SORCS2: variants seen among roughly 807,000 people sequenced by gnomAD.
SORCS2 encodes the protein VPS10 domain-containing receptor SorCS2.
A neutral mutation model predicts 141.6 loss-of-function variants in SORCS2; 100 were observed. That is an observed-to-expected ratio of 0.71 (90% CI 0.60 to 0.83). The LOEUF (loss-of-function observed/expected upper bound fraction) is 0.83, where lower values mean the gene tolerates loss of function less well. Among genes scored for constraint, SORCS2 ranks in the 40% least tolerant of loss-of-function variants. The pLI is 0.00. For missense variants in SORCS2, 1,646 were observed against 1,560.2 expected (o/e 1.05, Z -0.93); for synonymous variants, 789 against 676.9 (o/e 1.17, Z -2.57).
At chr4:7,434,993 C>G (rs1316485772) in intron 2 of SORCS2, 1 of 1,298,482 alleles carries the variant, frequency 7.7e-7, no homozygotes, top group African/African-American at 1.5e-5. Context: ...CTCCTGGCCA[C>G]TCCCACAGCC....
chr4:7,384,287 G>A (rs986855428), intron 1 of SORCS2, among the ~76,000 whole-genome samples: 4 of 152,218 alleles, frequency 2.6e-5, no homozygotes, highest in Non-Finnish European at 4.4e-5. Flanking sequence ...GACAAGGCCT[G>A]TGGGGGGACT....
At chr4:7,362,638 G>C (rs148924276) in intron 1 of SORCS2, among the ~76,000 whole-genome samples, 2 of 152,022 alleles carry the variant, frequency 1.3e-5, no homozygotes, top group African/African-American at 4.8e-5. Flanking sequence ...GACCAGGGAG[G>C]CTGACTTTGC....
intron 2 of SORCS2, among the ~76,000 whole-genome samples, chr4:7,484,052 C>T (rs1222523789): frequency 6.6e-6 from 1 of 152,202 alleles, no homozygotes; most frequent in East Asian, 1.9e-4. Context: ...TTTCTTCGAG[C>T]ATTTAAGTGT....
chr4:7,287,018 G>A (rs1380704676), intron 1 of SORCS2, among the ~76,000 whole-genome samples: 3 of 152,184 alleles, frequency 2.0e-5, no homozygotes, highest in Non-Finnish European at 4.4e-5. Flanking sequence ...CCTCCTCCAG[G>A]AAGCCTTCCT....
At chr4:7,257,816 C>A (rs1452800358) in intron 1 of SORCS2, among the ~76,000 whole-genome samples, 1 of 152,226 alleles carries the variant, frequency 6.6e-6, no homozygotes, top group Non-Finnish European at 1.5e-5. Context: ...GCTTACCTGG[C>A]CTCCCTGGCC....
At chr4:7,347,345 G>C (rs146876437) in intron 1 of SORCS2, among the ~76,000 whole-genome samples, 4 of 152,202 alleles carry the variant, frequency 2.6e-5, no homozygotes, top group Admixed American at 1.3e-4. Context: ...ATCCATTTAC[G>C]ATAGAATTCC....
chr4:7,660,245 G>A (rs1026904499), intron 5 of SORCS2, among the ~76,000 whole-genome samples: 1 of 152,304 alleles, frequency 6.6e-6, no homozygotes, highest in Non-Finnish European at 1.5e-5. Context: ...GCAATGAAAC[G>A]GGGAGGGGAG....
rs183700489 is a variant in SORCS2, at chr4:7,567,481, T to G, written c.648+35852T>G. ...TCCTCTGTTGGAATTTGTATAGTGT[T>G]TTCCTCATGATTGCACTGGGATTAT... On this transcript the variant is annotated intron_variant, in intron 3 of 26. Coordinates refer to ENST00000507866, the MANE Select transcript of SORCS2 (RefSeq NM_020777.3). Among the ~76,000 whole-genome samples, 83 of 151,572 alleles carry G rather than the reference T, an allele frequency of 5.5e-4. 1 individual carries two copies. Among genetic ancestry groups the G allele is most frequent in the African/African-American group, 2.0e-3 (82 of 41,172 alleles).
chr4:7,324,502 C>T (rs144200426), intron 1 of SORCS2, among the ~76,000 whole-genome samples: 38 of 152,324 alleles, frequency 2.5e-4, no homozygotes, highest in South Asian at 2.3e-3. Context: ...GGGAACTGCG[C>T]GGGGTTAGTC....
chr4:7,718,200 C>A lies in SORCS2; in HGVS notation c.2424+17C>A. The stretch of plus-strand genomic sequence containing the variant: ...CAGGAGCAGGTGAGTGAGCACCTCC[C>A]AGCAGGCTCCTGGGACTGTCGGGCA... On this transcript the variant is annotated intron_variant, in intron 18 of 26. Coordinates refer to ENST00000507866, the MANE Select transcript of SORCS2 (RefSeq NM_020777.3). 1 of 1,604,884 alleles carries A rather than the reference C, an allele frequency of 6.2e-7. No homozygotes were observed.
At chr4:7,394,885 C>CA (rs1286893798) in intron 1 of SORCS2, among the ~76,000 whole-genome samples, 1 of 152,166 alleles carries the variant, frequency 6.6e-6, no homozygotes, top group Non-Finnish European at 1.5e-5. Flanking sequence ...GGGGCCGGAT[C>CA]AAACAGACTT....
At chr4:7,634,648 G>A (rs1009062579) in intron 3 of SORCS2, among the ~76,000 whole-genome samples, 1 of 152,120 alleles carries the variant, frequency 6.6e-6, no homozygotes, top group African/African-American at 2.4e-5. Context: ...TTCCATCTTC[G>A]AGGAGGGGGG....
Position 7,394,731 on chromosome 4 carries a change from C to G in SORCS2, c.481-1557C>G, listed in dbSNP as rs539590717. On this transcript the variant is annotated intron_variant, in intron 1 of 26. Transcript: ENST00000507866. Reference sequence around the variant, plus strand: ...TGACGGGGATGTGAAGCCAGCCTCACAGCAGGGTGCGCCCCAAACCCAGCA... The same window carrying G: ...TGACGGGGATGTGAAGCCAGCCTCAGAGCAGGGTGCGCCCCAAACCCAGCA... Among the ~76,000 whole-genome samples the G allele has an allele frequency of 2.9e-4, 44 of 152,204 alleles. 1 individual carries two copies. In the Middle Eastern group the frequency reaches 0.014, roughly 47 times the overall value.
At chr4:7,543,703 T>C (rs911295030) in intron 3 of SORCS2, among the ~76,000 whole-genome samples, 52 of 18,802 alleles carry the variant, frequency 2.8e-3, no homozygotes, top group East Asian at 7.1e-3. Context: ...CACCCATCCA[T>C]CCATCCACCC....
rs1726903579 is a variant in SORCS2, at chr4:7,192,569, GCGC to G, written c.-76_-74del. 1.0e-6 allele frequency: 1 copy of G among 981,806 alleles called. No homozygotes were observed. The highest frequency in any genetic ancestry group is 1.2e-6 in the Non-Finnish European group (1 of 827,082). 60.8% of individuals were successfully genotyped at this position (981,806 alleles called of 1,614,324 possible). ...TCTGCGCTCTCGCTCGCGCTCCCCA[GCGC>G]CCTCCTGCTCTCCCGGCCGCGGTCC... On this transcript the variant is annotated 5_prime_UTR_variant, in exon 1 of 27. Transcript: ENST00000507866. This position sits in a 1 kb window ranked among gnomAD's most constrained non-coding sequence, Gnocchi z 4.0.
chr4:7,697,037 A>C (rs1217162943), intron 11 of SORCS2, among the ~76,000 whole-genome samples, 161 bp from the exon 12 acceptor site: 2 of 152,214 alleles, frequency 1.3e-5, no homozygotes, highest in East Asian at 3.9e-4. Context: ...GCATAGACCC[A>C]GACCCAGGGC....
intron 1 of SORCS2, among the ~76,000 whole-genome samples, chr4:7,248,961 C>T (rs1177638995): frequency 2.6e-5 from 4 of 152,182 alleles, no homozygotes; most frequent in African/African-American, 7.2e-5. Flanking sequence ...CCAGAAGTAT[C>T]ATGGGCCCCT....
intron 2 of SORCS2, among the ~76,000 whole-genome samples, chr4:7,420,139 G>A (rs1197031936): frequency 1.3e-5 from 2 of 152,238 alleles, no homozygotes; most frequent in Non-Finnish European, 2.9e-5. Context: ...CCATCTGCAA[G>A]GGAGGTTGGG....
At chr4:7,321,166 C>A (rs1718869781) in intron 1 of SORCS2, among the ~76,000 whole-genome samples, 1 of 152,172 alleles carries the variant, frequency 6.6e-6, no homozygotes, top group Non-Finnish European at 1.5e-5. Flanking sequence ...CATAGCTTAG[C>A]TCCCATTTAT....
Sources: gnomAD v4.1 joint callset for allele counts (sites outside exome capture counted in the v4.1 genomes callset) on GRCh38, gnomAD v4.1.1 for gene constraint, Gnocchi (gnomAD v3.1) non-coding constraint, MANE v1.5 for transcripts, NCBI Gene and HGNC (gene_info 2026-07-23, HGNC 2026-07-21) for gene names.